The following ZBTB1 variants were observed in gnomAD, a reference collection of about 807,000 sequenced individuals.
ZBTB1 encodes the protein zinc finger and BTB domain containing 1, also known as zinc finger and BTB domain-containing protein 1.
A neutral mutation model predicts 51.6 loss-of-function variants in ZBTB1; 13 were observed. That is an observed-to-expected ratio of 0.25 (90% CI 0.16 to 0.40). The LOEUF (loss-of-function observed/expected upper bound fraction) is 0.40, where lower values mean the gene tolerates loss of function less well. Among genes scored for constraint, ZBTB1 ranks in the 10% least tolerant of loss-of-function variants. The pLI is 1.00. For missense variants in ZBTB1, 567 were observed against 856.5 expected (o/e 0.66, Z 4.22); for synonymous variants, 240 against 282.2 (o/e 0.85, Z 1.50).
At chr14:64,526,949 G>C (rs1566638034), downstream of ZBTB1, among the ~76,000 whole-genome samples, 4 of 152,142 alleles carry the variant, frequency 2.6e-5, no homozygotes, top group Admixed American at 2.0e-4. Context: ...AGGAGGCTGA[G>C]GTGGGAGGAT....
chr14:64,518,747 T>A (rs1294949159), intron 1 of ZBTB1, among the ~76,000 whole-genome samples: 1 of 151,804 alleles, frequency 6.6e-6, no homozygotes, highest in Non-Finnish European at 1.5e-5. Flanking sequence ...AGGCTAAAAT[T>A]TGATCTTATT....
intron 1 of ZBTB1, among the ~76,000 whole-genome samples, chr14:64,518,040 T>C (rs1318908806): frequency 6.6e-6 from 1 of 151,966 alleles, no homozygotes; most frequent in Non-Finnish European, 1.5e-5. Flanking sequence ...TTTCACCATG[T>C]TGGCCAGGCT....
At chr14:64,517,756 A>AATATATATATATATAT (rs71444661) in intron 1 of ZBTB1, among the ~76,000 whole-genome samples, 16 of 60,720 alleles carry the variant, frequency 2.6e-4, no homozygotes, top group South Asian at 1.9e-3. Flanking sequence ...GCCATTTAGA[A>AATATATATATATATAT]ATATATATAT....
rs2079864168 is a variant in ZBTB1 at position 64,521,978 on chromosome 14, G to A, written c.474G>A (p.Arg158=). 8 of 1,614,106 alleles carry A rather than the reference G, an allele frequency of 5.0e-6. No individual in the cohort carries two copies. The highest frequency in any genetic ancestry group is 1.7e-5 in the Admixed American group (1 of 59,998). The change falls in exon 2 of 2, where the codon AGG becomes AGA. Residue 158 remains arginine (R), a synonymous_variant. Coordinates refer to ENST00000683701, the MANE Select transcript of ZBTB1 (RefSeq NM_001123329.2). ...CTCGAAATGGCAATGAAGCCAACAG[G>A]TGGTGTGCAGAGCCAAGTTCAACGG... ...TVARNGNEAN[R]WCAEPSSTVN... is the part of the protein sequence containing the mutation.
chr14:64,515,149 T>A (rs894776916), intron 1 of ZBTB1, among the ~76,000 whole-genome samples: 10 of 152,212 alleles, frequency 6.6e-5, no homozygotes, highest in Admixed American at 5.2e-4. Context: ...TGGGTATCCT[T>A]CTAGCCTTAG....
intron 1 of ZBTB1, chr14:64,511,449 A>G (rs2079723221): frequency 6.6e-6 from 1 of 152,218 alleles, no homozygotes; most frequent in Non-Finnish European, 1.5e-5. Flanking sequence ...TTTGTAAGTT[A>G]TTTGGTTGGC....
rs1160337478 is a variant in ZBTB1 at position 64,517,781 on chromosome 14, A to ATATATATATATATTTTT, written c.-18-3705_-18-3704insATATATATATATTTTTT. Among the ~76,000 whole-genome samples the ATATATATATATATTTTT allele has an allele frequency of 1.2e-4, 5 of 41,560 alleles. No individual in the cohort carries two copies. In the East Asian group the frequency reaches 3.9e-3, roughly 33 times the overall value. 27.3% of individuals were successfully genotyped at this position (41,560 alleles called of 152,430 possible). On this transcript the variant is annotated intron_variant, in intron 1 of 1. Transcript: ENST00000683701. ...AATATATATATATATATATATATAT[A>ATATATATATATATTTTT]TTTTTTTTTTTTTTTTTTTTTTGAG...
chr14:64,531,762 A>G, intron 2 of ZBTB1: 1 of 1,483,306 alleles, frequency 6.7e-7, no homozygotes, highest in Non-Finnish European at 9.3e-7. Context: ...GCCTAGTGCC[A>G]AAGCCAAGAA....
intron 1 of ZBTB1, among the ~76,000 whole-genome samples, chr14:64,506,196 G>C (rs2079651889): frequency 6.6e-6 from 1 of 152,198 alleles, no homozygotes; most frequent in African/African-American, 2.4e-5. Context: ...AATAATAACT[G>C]GATGACTTTG....
chr14:64,519,314 A>G (rs1028253320), intron 1 of ZBTB1, among the ~76,000 whole-genome samples: 1 of 151,538 alleles, frequency 6.6e-6, no homozygotes, highest in Non-Finnish European at 1.5e-5. Flanking sequence ...ACGACTGGCT[A>G]ACTTTTTTTA....
chr14:64,505,585 T>C (rs1397882842), intron 1 of ZBTB1, among the ~76,000 whole-genome samples: 2 of 152,250 alleles, frequency 1.3e-5, no homozygotes, highest in South Asian at 4.1e-4. Context: ...TCGGTAAATG[T>C]GTTGGATGCA....
At chr14:64,528,354 T>C (rs1222396984), downstream of ZBTB1, among the ~76,000 whole-genome samples, 1 of 150,164 alleles carries the variant, frequency 6.7e-6, no homozygotes, top group Non-Finnish European at 1.5e-5. Flanking sequence ...CTTTTTTTTT[T>C]TTTTTTTTTT....
At position 64,516,961 on chromosome 14, in the gene ZBTB1, G is replaced by C. The variant is rs1375228220; in HGVS notation, c.-18-4526G>C. On this transcript the variant is annotated intron_variant, in intron 1 of 1. Transcript: ENST00000683701. ...TGATGATAAAACTGCTGCTCATCTA[G>C]ATAAGAAAGGGTCTTTGGAACTTCT... Among the ~76,000 whole-genome samples the C allele has an allele frequency of 2.0e-5, 3 of 152,252 alleles. No individual in the cohort carries two copies. The East Asian group carries it at 5.8e-4, about 29-fold the overall frequency.
intron 1 of ZBTB1, among the ~76,000 whole-genome samples, chr14:64,509,964 G>A (rs113944684): frequency 0.23 from 34,174 of 149,236 alleles, 4,571 homozygotes; most frequent in Non-Finnish European, 0.31. Context: ...GTGACAGAGC[G>A]AGACTCCGTC....
chr14:64,511,890 C>G (rs2079728148), intron 1 of ZBTB1, among the ~76,000 whole-genome samples: 1 of 152,112 alleles, frequency 6.6e-6, no homozygotes. Context: ...CCGGGTGATG[C>G]TATATGTGTA....
chr14:64,522,516 G>A lies in ZBTB1; in HGVS notation c.1012G>A (p.Glu338Lys). The A allele has an allele frequency of 6.2e-7, 1 of 1,614,038 alleles. No homozygotes were observed. The highest frequency in any genetic ancestry group is 1.1e-5 in the South Asian group (1 of 91,046). ...GGAGCCAGAAGATATTCCTACAGAT[G>A]AACTGAAAGACTTTAACATTATTAA... Reference protein sequence around the residue: ...KMEPEDIPTDELKDFNIIKVT... With the variant: ...KMEPEDIPTDKLKDFNIIKVT... Residue 338 changes from glutamate to lysine, a missense_variant, in exon 2 of 2, where the codon GAA (glutamate) becomes AAA (lysine). Transcript: ENST00000683701.
intron 1 of ZBTB1, among the ~76,000 whole-genome samples, chr14:64,509,692 G>A (rs534309265): frequency 8.6e-5 from 13 of 152,002 alleles, no homozygotes; most frequent in South Asian, 4.2e-4. Flanking sequence ...GGATCTGGCC[G>A]GGTGTGTGGT....
chr14:64,516,735 T>G (rs2079790621), intron 1 of ZBTB1: 1 of 152,264 alleles, frequency 6.6e-6, no homozygotes, highest in South Asian at 2.1e-4. Context: ...CTTTATACAG[T>G]GCCTGGTATA....
chr14:64,504,356 G>C (rs1471275156), upstream of ZBTB1: 1 of 142,154 alleles, frequency 7.0e-6, no homozygotes, highest in Non-Finnish European at 1.6e-5. Context: ...CCCAGCTGCT[G>C]GGCCCAACGG....
Sources: allele counts gnomAD v4.1 joint callset (sites outside exome capture counted in the v4.1 genomes callset), GRCh38; gene constraint gnomAD v4.1.1; transcripts MANE v1.5; gene names NCBI Gene and HGNC (gene_info 2026-07-23, HGNC 2026-07-21).